Variants in GRIK4 observed in about 807,000 individuals in gnomAD.
GRIK4 encodes the protein glutamate ionotropic receptor kainate type subunit 4.
In GRIK4, 40 loss-of-function variants were observed where a neutral mutation model predicts 104.9. The observed-to-expected ratio is 0.38, with a 90% confidence interval of 0.30 to 0.50. GRIK4 has a LOEUF of 0.50. GRIK4 is among the 20% of genes least tolerant of loss of function. GRIK4 has a pLI of 0.93. For missense variants in GRIK4, 1,047 were observed against 1,308.1 expected, an observed-to-expected ratio of 0.80 and a Z score of 3.08; for synonymous variants, 485 against 524.9, an observed-to-expected ratio of 0.92 and a Z score of 1.04.
chr11:120,574,967 A>T (rs1209004790), intron 1 of GRIK4, among the ~76,000 whole-genome samples: 1 of 152,212 alleles, frequency 6.6e-6, no homozygotes, highest in African/African-American at 2.4e-5. Context: ...GGAACTAAAG[A>T]CTATATCTTC....
intron 4 of GRIK4, among the ~76,000 whole-genome samples, chr11:120,815,070 A>G (rs1337958840): frequency 1.3e-5 from 2 of 152,220 alleles, no homozygotes; most frequent in Admixed American, 6.5e-5. Context: ...GGTTTGTTCC[A>G]TTAGCCTCTG....
rs928942626 is a variant in GRIK4 at position 120,789,416 on chromosome 11, C to T, written c.83-13277C>T. 5.9e-5 allele frequency among the ~76,000 whole-genome samples: 9 copies of T among 152,156 alleles called. No individual in the cohort carries two copies. In the South Asian group the frequency reaches 6.2e-4, roughly 11 times the overall value. On this transcript the variant is annotated intron_variant, in intron 3 of 20. Coordinates refer to ENST00000527524, the MANE Select transcript of GRIK4 (RefSeq NM_014619.5). The stretch of plus-strand genomic sequence containing the variant: ...AACCCCCACTGATTTTGATTCTGCC[C>T]GGTTTATCTCACTAGAATCTGCCTC...
Position 120,709,363 on chromosome 11 carries a change from G to A in GRIK4, c.82+48963G>A, listed in dbSNP as rs574757552. Among the ~76,000 whole-genome samples the A allele has an allele frequency of 6.1e-4, 93 of 152,148 alleles. 3 individuals are homozygous for A. In the South Asian group the frequency reaches 0.019, roughly 31 times the overall value. ...GTGTTGTGTTACATGTCGGAGACAT[G>A]AGGATAAATAAGACATGGTACCTGA... On this transcript the variant is annotated intron_variant, in intron 3 of 20. Transcript: ENST00000527524.
In GRIK4 at chr11:120,660,280, G is replaced by A. The variant is rs771779942; in HGVS notation, c.-39G>A. 1.4e-6 allele frequency: 2 copies of A among 1,481,016 alleles called. No homozygotes were observed. The highest frequency in any genetic ancestry group is 2.3e-5 in the East Asian group (1 of 44,216). 91.7% of individuals were successfully genotyped at this position (1,481,016 alleles called of 1,614,324 possible). On this transcript the variant is annotated 5_prime_UTR_variant, in exon 3 of 21. An upstream start codon of the reference 5' UTR is lost. Transcript: ENST00000527524. ...CCCCTCTCTCGCAGAGTTATGTCAT[G>A]CCCAGGCCAGCAGGGGGCTCCATGA...
intron 1 of GRIK4, among the ~76,000 whole-genome samples, chr11:120,526,551 G>C (rs1565538523): frequency 6.6e-6 from 1 of 152,208 alleles, no homozygotes; most frequent in Non-Finnish European, 1.5e-5. Flanking sequence ...TTTGTTTTTA[G>C]GCCGGGCACA....
At chr11:120,817,638 G>A (rs1952995481) in intron 5 of GRIK4, among the ~76,000 whole-genome samples, 2 of 152,174 alleles carry the variant, frequency 1.3e-5, no homozygotes, top group Admixed American at 1.3e-4. Context: ...ACACCTCCGT[G>A]ATGGCTTCCT....
At position 120,956,211 on chromosome 11, in the gene GRIK4, T is replaced by TG. The variant is rs1030605154; in HGVS notation, c.1701-569_1701-568insG. On this transcript the variant is annotated intron_variant, in intron 15 of 20. Coordinates refer to ENST00000527524, the MANE Select transcript of GRIK4 (RefSeq NM_014619.5). The surrounding 1 kb of genome is among the most constrained non-coding windows in gnomAD (Gnocchi z 4.6). ...CAGGGGCTCCACTTAATCTTTTTTT[T>TG]TTTTTTTGAGACAGGGTCTCACTCT... Among the ~76,000 whole-genome samples, 2 of 152,016 alleles carry TG rather than the reference T, an allele frequency of 1.3e-5. No homozygotes were observed. Among genetic ancestry groups the TG allele is most frequent in the East Asian group, 1.9e-4 (1 of 5,176 alleles).
intron 1 of GRIK4, among the ~76,000 whole-genome samples, chr11:120,562,598 T>C (rs1565550609): frequency 1.3e-5 from 2 of 152,106 alleles, no homozygotes; most frequent in South Asian, 2.1e-4. Flanking sequence ...GTTTGGGTCA[T>C]GGCAAGCAGG....
rs553167222 is a variant in GRIK4 at position 120,856,087 on chromosome 11, A to G, written c.745-5872A>G. The stretch of plus-strand genomic sequence containing the variant: ...GGAGGATGGATTGCACTTGGACAGA[A>G]GAGGACTCCCAGGCCATGAGTACCT... On this transcript the variant is annotated intron_variant, in intron 8 of 20. Transcript: ENST00000527524. Among the ~76,000 whole-genome samples the G allele has an allele frequency of 3.0e-4, 46 of 152,336 alleles. 1 individual carries two copies. Among genetic ancestry groups the G allele is most frequent in the African/African-American group, 1.1e-3 (46 of 41,578 alleles).
chr11:120,939,646 G>A lies in GRIK4; in HGVS notation c.1477-701G>A, dbSNP rs1178028707. Among the ~76,000 whole-genome samples the A allele has an allele frequency of 2.6e-5, 4 of 152,186 alleles. No individual in the cohort carries two copies. The East Asian group carries it at 7.7e-4, about 29-fold the overall frequency. On this transcript the variant is annotated intron_variant, in intron 13 of 20. Transcript: ENST00000527524. This position sits in a 1 kb window ranked among gnomAD's most constrained non-coding sequence, Gnocchi z 5.6. ...CAAAGTTTCTTACACACCATAAGCA[G>A]TCAGTGGAGTTTTGTCAACTGAACG...
chr11:120,872,466 G>GT (rs1954635224), intron 9 of GRIK4: 1 of 157,490 alleles, frequency 6.3e-6, no homozygotes, highest in Admixed American at 6.2e-5. Flanking sequence ...TAAGCAGTTG[G>GT]TCCCCTGGAA....
In GRIK4 at chr11:120,663,246, T is replaced by C. The variant is rs145753924; in HGVS notation, c.82+2846T>C. 2.9e-3 allele frequency among the ~76,000 whole-genome samples: 444 copies of C among 152,290 alleles called. 2 individuals carry two copies. The highest frequency in any genetic ancestry group is 0.01 in the African/African-American group (435 of 41,552). ...TACTTAAAGAGACCAGAGATCATTGTCATTCTTAGATCCGGAAGGGACTGT... is the reference window on the plus strand; with the variant it reads ...TACTTAAAGAGACCAGAGATCATTGCCATTCTTAGATCCGGAAGGGACTGT... On this transcript the variant is annotated intron_variant, in intron 3 of 20. Coordinates refer to ENST00000527524, the MANE Select transcript of GRIK4 (RefSeq NM_014619.5).
chr11:120,573,867 C>A (rs1381402912), intron 1 of GRIK4, among the ~76,000 whole-genome samples: 1 of 152,196 alleles, frequency 6.6e-6, no homozygotes, highest in Non-Finnish European at 1.5e-5. Flanking sequence ...CTCCTTGGGT[C>A]CTTCCACATC....
At chr11:120,850,866 C>T (rs1485617677) in intron 8 of GRIK4, among the ~76,000 whole-genome samples, 1 of 150,084 alleles carries the variant, frequency 6.7e-6, no homozygotes, top group Non-Finnish European at 1.5e-5. Flanking sequence ...TTACAAGCAC[C>T]ATTAGGAGTA....
At chr11:120,883,295 C>T (rs1955019782) in intron 11 of GRIK4, among the ~76,000 whole-genome samples, 2 of 152,178 alleles carry the variant, frequency 1.3e-5, no homozygotes, top group Non-Finnish European at 2.9e-5. Context: ...TGAGAGTTCT[C>T]TAAAGCTACT....
chr11:120,513,925 T>C lies in GRIK4; in HGVS notation c.-159+2038T>C, dbSNP rs183783448. ...AGCCTGGGTCGGCTTCGTGGTCTGA[T>C]TTCCACTTTGGTTTTCCCTTAGGAT... On this transcript the variant is annotated intron_variant, in intron 1 of 20. Transcript: ENST00000527524. This position sits in a 1 kb window ranked among gnomAD's most constrained non-coding sequence, Gnocchi z 4.5. 6.6e-6 allele frequency among the ~76,000 whole-genome samples: 1 copy of C among 152,338 alleles called. No individual in the cohort carries two copies. The highest frequency in any genetic ancestry group is 2.4e-5 in the African/African-American group (1 of 41,574).
chr11:120,861,608 T>G (rs1021692608), intron 8 of GRIK4, among the ~76,000 whole-genome samples: 6 of 152,194 alleles, frequency 3.9e-5, no homozygotes, highest in African/African-American at 1.4e-4. Context: ...AAAATGCCTA[T>G]GTATCCTTCA....
chr11:120,762,237 CTGTT>C (rs750309791), intron 3 of GRIK4, among the ~76,000 whole-genome samples: 4 of 152,164 alleles, frequency 2.6e-5, no homozygotes, highest in Non-Finnish European at 5.9e-5. Context: ...ATTTGGCTCT[CTGTT>C]TGTCTATTAT....
intron 1 of GRIK4, among the ~76,000 whole-genome samples, chr11:120,635,160 C>T (rs1375145225): frequency 1.3e-5 from 2 of 152,168 alleles, no homozygotes; most frequent in African/African-American, 2.4e-5. Context: ...CTCTGCCTGC[C>T]ATGAACTCTT....
Sources: allele counts gnomAD v4.1 joint callset (sites outside exome capture counted in the v4.1 genomes callset), GRCh38; gene constraint gnomAD v4.1.1; non-coding constraint Gnocchi (gnomAD v3.1); transcripts MANE v1.5; gene names NCBI Gene and HGNC (gene_info 2026-07-23, HGNC 2026-07-21).